The following PLEKHB2 variants were observed in gnomAD, a reference collection of about 807,000 sequenced individuals.
PLEKHB2 encodes pleckstrin homology domain-containing family B member 2.
In PLEKHB2, 31 loss-of-function variants were observed where a neutral mutation model predicts 36.5. The observed-to-expected ratio is 0.85, with a 90% CI of 0.64 to 1.15. PLEKHB2 has a LOEUF of 1.15. Among genes scored for constraint, PLEKHB2 ranks in the 50% most tolerant of loss-of-function variants. PLEKHB2 has a pLI of 0.00. For missense variants in PLEKHB2, 262 were observed against 295.3 expected (o/e 0.89, Z 0.83); for synonymous variants, 119 against 112.0 (o/e 1.06, Z -0.39).
chr2:131,108,351 C>A (rs551041925), intron 1 of PLEKHB2, among the ~76,000 whole-genome samples: 2 of 152,192 alleles, frequency 1.3e-5, no homozygotes, highest in South Asian at 4.1e-4. Flanking sequence ...CTCTAGAGAC[C>A]AACAGCTAGG....
chr2:131,108,345 A>G (rs1694944673), intron 1 of PLEKHB2, among the ~76,000 whole-genome samples: 1 of 152,230 alleles, frequency 6.6e-6, no homozygotes, highest in African/African-American at 2.4e-5. Context: ...TTTATTCTCT[A>G]GAGACCAACA....
chr2:131,126,658 T>A, intron 3 of PLEKHB2, 26 bp from the exon 4 acceptor site: 1 of 1,321,570 alleles, frequency 7.6e-7, no homozygotes, highest in South Asian at 1.2e-5. Context: ...TGAAAAAAGT[T>A]CCTTTATTCT....
In PLEKHB2 at chr2:131,124,502, T is replaced by C. The variant is rs562312542; in HGVS notation, c.38-1251T>C. ...CATGCAGTCAAGGAAATTACTGTTT[T>C]ATATACCAAGTTAAAGGAAATTACT... On this transcript the variant is annotated intron_variant, in intron 2 of 7. Coordinates refer to ENST00000693505, the MANE Select transcript of PLEKHB2 (RefSeq NM_001100623.2). Among the ~76,000 whole-genome samples, 3 of 152,340 alleles carry C rather than the reference T, an allele frequency of 2.0e-5. No individual in the cohort carries two copies. In the South Asian group the frequency reaches 6.2e-4, roughly 32 times the overall value.
At chr2:131,130,461 G>A (rs1426979536) in intron 4 of PLEKHB2, among the ~76,000 whole-genome samples, 1 of 152,180 alleles carries the variant, frequency 6.6e-6, no homozygotes, top group Non-Finnish European at 1.5e-5. Context: ...AACTGACAAA[G>A]CAAGTGGCAG....
At chr2:131,131,467 G>T (rs1209796213) in intron 5 of PLEKHB2, among the ~76,000 whole-genome samples, 1 of 152,168 alleles carries the variant, frequency 6.6e-6, no homozygotes, top group Non-Finnish European at 1.5e-5. Context: ...CTGAGACAGT[G>T]AACCTCATTT....
chr2:131,142,186 C>T (rs1301243732), intron 7 of PLEKHB2, among the ~76,000 whole-genome samples: 1 of 152,204 alleles, frequency 6.6e-6, no homozygotes, highest in African/African-American at 2.4e-5. Context: ...ATGGAAAAAA[C>T]CTTCACACTC....
intron 1 of PLEKHB2, among the ~76,000 whole-genome samples, chr2:131,113,810 G>T (rs1695578345): frequency 6.6e-6 from 1 of 152,172 alleles, no homozygotes; most frequent in Admixed American, 6.5e-5. Flanking sequence ...CCAGTCTCCA[G>T]AGGCATCATC....
intron 1 of PLEKHB2, chr2:131,120,481 G>A (rs1237459142): frequency 6.1e-6 from 1 of 163,578 alleles, no homozygotes; most frequent in East Asian, 1.8e-4. Context: ...TTTTCTTGAT[G>A]ACTTTTGTTT....
chr2:131,126,641 G>T (rs372260278), intron 3 of PLEKHB2, 43 bp from the exon 4 acceptor site: 9 of 1,127,822 alleles, frequency 8.0e-6, no homozygotes, highest in Non-Finnish European at 1.2e-5. Flanking sequence ...AATGTAAGAA[G>T]AAATCCTGAA....
rs182861528 is a variant in PLEKHB2, at chr2:131,105,364, C to A, written c.-43C>A. On this transcript the variant is annotated 5_prime_UTR_variant, in exon 1 of 8. Transcript: ENST00000693505. ...TGCAGGCGAGCAGGCGAGGAATCGC[C>A]GTGGCGTCTTGGTGTTCTCCACGCT... 1 of 152,230 alleles carries A rather than the reference C, an allele frequency of 6.6e-6. No homozygotes were observed. Among genetic ancestry groups the A allele is most frequent in the Non-Finnish European group, 1.5e-5 (1 of 68,072 alleles). The allele number at this position is 152,230 out of a possible 1,614,324, so 9.4% of individuals were successfully genotyped here.
intron 6 of PLEKHB2, among the ~76,000 whole-genome samples, chr2:131,134,236 G>GA (rs1415610396): frequency 2.0e-5 from 3 of 151,912 alleles, no homozygotes; most frequent in Non-Finnish European, 2.9e-5. Flanking sequence ...GCCTATACTG[G>GA]AGTGCAGTGG....
chr2:131,116,484 G>A (rs920171443), intron 1 of PLEKHB2, among the ~76,000 whole-genome samples: 2 of 152,198 alleles, frequency 1.3e-5, no homozygotes, highest in Non-Finnish European at 2.9e-5. Flanking sequence ...AGGAGGCATG[G>A]CTGTGGAGGC....
chr2:131,111,229 T>G (rs1695284562), intron 1 of PLEKHB2, among the ~76,000 whole-genome samples: 1 of 152,000 alleles, frequency 6.6e-6, no homozygotes, highest in African/African-American at 2.4e-5. Context: ...CGTCTTGAAC[T>G]CCTGACCCCA....
Position 131,126,757 on chromosome 2 carries a change from T to A in PLEKHB2, c.264T>A (p.Ser88Arg). ...QIVCRDGKTISLCAESTDDCL... is the reference protein window; with the variant it reads ...QIVCRDGKTIRLCAESTDDCL... ...TTTGTCGAGATGGGAAAACAATTAGTCTTTGTGCAGAAAGCACAGATGATT... is the reference window on the plus strand; with the variant it reads ...TTTGTCGAGATGGGAAAACAATTAGACTTTGTGCAGAAAGCACAGATGATT... The change falls in exon 4 of 8, where the codon AGT becomes AGA. Residue 88 changes from serine to arginine, a missense_variant. Physicochemically the swap from Ser to Arg is moderately radical, Grantham distance 110. Coordinates refer to ENST00000693505, the MANE Select transcript of PLEKHB2 (RefSeq NM_001100623.2). The A allele has an allele frequency of 6.2e-7, 1 of 1,606,986 alleles. No individual in the cohort carries two copies. Among genetic ancestry groups the A allele is most frequent in the Non-Finnish European group, 8.5e-7 (1 of 1,173,506 alleles).
At chr2:131,122,559 A>G (rs567739125) in intron 2 of PLEKHB2, among the ~76,000 whole-genome samples, 69 of 152,336 alleles carry the variant, frequency 4.5e-4, no homozygotes, top group African/African-American at 1.5e-3. Context: ...TATGAGAGGT[A>G]AGTGGTATTA....
chr2:131,144,668 A>G (rs1325828928), intron 7 of PLEKHB2, among the ~76,000 whole-genome samples: 1 of 152,238 alleles, frequency 6.6e-6, no homozygotes, highest in East Asian at 1.9e-4. Flanking sequence ...TTAGGCAATT[A>G]TAATAAGTGT....
chr2:131,146,646 G>C lies in PLEKHB2; in HGVS notation c.542G>C (p.Gly181Ala), dbSNP rs913357590. 3 of 1,612,040 alleles carry C rather than the reference G, an allele frequency of 1.9e-6. No individual in the cohort carries two copies. In the Admixed American group the frequency reaches 5.0e-5, roughly 27 times the overall value. ...TTTCCTTCTCTTTTAGGACTTTATG[G>C]ACAGCAGCCTGCTAACCAAGTCATC... Reference protein sequence around the residue: ...PYQYPYAGLYGQQPANQVIIR... With the variant: ...PYQYPYAGLYAQQPANQVIIR... Residue 181 changes from glycine (G) to alanine (A), a missense_variant, in exon 8 of 8, where the codon GGA (glycine) becomes GCA (alanine). Transcript: ENST00000693505.
chr2:131,127,236 C>A (rs1413408889), intron 4 of PLEKHB2, among the ~76,000 whole-genome samples: 1 of 152,174 alleles, frequency 6.6e-6, no homozygotes, highest in African/African-American at 2.4e-5. Context: ...CAGATCCTTG[C>A]TCCCTCTGAG....
rs778258105 is a variant in PLEKHB2 at position 131,146,588 on chromosome 2, A to C, written c.533-49A>C. The C allele has an allele frequency of 1.5e-5, 24 of 1,566,262 alleles. No individual in the cohort carries two copies. In the Admixed American group the frequency reaches 4.4e-4, roughly 29 times the overall value. ...AGAACTGGTACTTTGCGTGATGTTA[A>C]ACTTCACAAACCGCTGCTCAGAAAT... is the stretch of plus-strand genomic sequence containing the variant. On this transcript the variant is annotated intron_variant, in intron 7 of 7. Coordinates refer to ENST00000693505, the MANE Select transcript of PLEKHB2 (RefSeq NM_001100623.2).
Sources: gnomAD v4.1 joint callset for allele counts (sites outside exome capture counted in the v4.1 genomes callset) on GRCh38, gnomAD v4.1.1 for gene constraint, MANE v1.5 for transcripts, NCBI Gene and HGNC (gene_info 2026-07-23, HGNC 2026-07-21) for gene names.